The following VPS45 variants were observed in gnomAD, a reference collection of about 807,000 sequenced individuals.
The protein encoded by VPS45 is vacuolar protein sorting-associated protein 45.
In VPS45, 35 loss-of-function variants were observed where a neutral mutation model predicts 75.9. That is an observed-to-expected ratio of 0.46 (90% CI 0.35 to 0.61). The LOEUF is 0.61. Among genes scored for constraint, VPS45 ranks in the 20% least tolerant of loss-of-function variants. The pLI is 0.00. For missense variants in VPS45, 559 were observed against 685.9 expected, an observed-to-expected ratio of 0.81 and a Z score of 2.07; for synonymous variants, 220 against 238.2, an observed-to-expected ratio of 0.92 and a Z score of 0.70.
intron 14 of VPS45, among the ~76,000 whole-genome samples, chr1:150,131,728 C>T (rs1311137055): frequency 6.6e-6 from 1 of 150,554 alleles, no homozygotes; most frequent in Non-Finnish European, 1.5e-5. Flanking sequence ...CACCTGTAGT[C>T]CCAGCTACTT....
chr1:150,077,644 A>C, intron 6 of VPS45, 25 bp from the exon 7 acceptor site: 248 of 1,523,696 alleles, frequency 1.6e-4, no homozygotes, highest in Non-Finnish European at 2.1e-4. Context: ...TGGTTGCACA[A>C]ACCATCTTTC....
chr1:150,132,220 C>T (rs587730615), intron 14 of VPS45, among the ~76,000 whole-genome samples: 1 of 152,270 alleles, frequency 6.6e-6, no homozygotes, highest in African/African-American at 2.4e-5. Context: ...TATTCTCTCT[C>T]ACAAGTTTGT....
intron 4 of VPS45, 197 bp from the exon 5 acceptor site, chr1:150,076,719 T>A: frequency 1.6e-6 from 1 of 614,286 alleles, no homozygotes; most frequent in Non-Finnish European, 2.8e-6. Flanking sequence ...GATTTATTAT[T>A]ATTGCTACTG....
intron 14 of VPS45, among the ~76,000 whole-genome samples, chr1:150,143,880 G>A (rs782329567): frequency 1.7e-4 from 26 of 152,156 alleles, no homozygotes; most frequent in Non-Finnish European, 2.5e-4. Context: ...TTGTTTCTTC[G>A]TTTTTTAAAA....
chr1:150,077,681 A>G lies in VPS45; in HGVS notation c.589A>G (p.Lys197Glu), dbSNP rs782803236. ...CTCTCACCCACAGCAAGTGATAACTAAAGAATATGAACTGTTTGAATTCCG... is the reference window on the plus strand; with the variant it reads ...CTCTCACCCACAGCAAGTGATAACTGAAGAATATGAACTGTTTGAATTCCG... ...LAECVKQVITKEYELFEFRRT... is the reference protein window; with the variant it reads ...LAECVKQVITEEYELFEFRRT... Residue 197 changes from lysine (K) to glutamate (E), a missense_variant, in exon 7 of 15, where the codon AAA becomes GAA. Transcript: ENST00000644510. The G allele has an allele frequency of 1.4e-5, 22 of 1,613,346 alleles. No homozygotes were observed. The highest frequency in any genetic ancestry group is 1.9e-5 in the Non-Finnish European group (22 of 1,179,438).
chr1:150,077,869 A>T, intron 7 of VPS45, 90 bp downstream of exon 7: 2 of 1,027,896 alleles, frequency 1.9e-6, no homozygotes, highest in Non-Finnish European at 3.0e-6. Flanking sequence ...TGGTCCATTT[A>T]TTTGCCTCCT....
rs183547663 is a variant in VPS45 at position 150,130,116 on chromosome 1, C to T, written c.1626-14593C>T. Among the ~76,000 whole-genome samples the T allele has an allele frequency of 9.6e-4, 146 of 151,712 alleles. 5 individuals carry two copies. The East Asian group carries it at 0.025, about 26-fold the overall frequency. On this transcript the variant is annotated intron_variant, in intron 14 of 14. Coordinates refer to ENST00000644510, the MANE Select transcript of VPS45 (RefSeq NM_007259.5). ...CTGGCCTCAAGAGATCCTGCAGCCT[C>T]GGTCTCCCAAAGTGCTGGGATTATA... is the stretch of plus-strand genomic sequence containing the variant.
At chr1:150,114,109 C>T (rs782289605) in intron 14 of VPS45, among the ~76,000 whole-genome samples, 4 of 152,088 alleles carry the variant, frequency 2.6e-5, no homozygotes, top group Non-Finnish European at 5.9e-5. Flanking sequence ...TATTTACTCA[C>T]ATATTTGCCC....
intron 14 of VPS45, among the ~76,000 whole-genome samples, chr1:150,127,422 T>C (rs1553811039): frequency 6.6e-6 from 1 of 152,030 alleles, no homozygotes; most frequent in East Asian, 1.9e-4. Context: ...CAAGCAGTCC[T>C]ACCACTTCAG....
chr1:150,143,836 C>T (rs782184371), intron 14 of VPS45, among the ~76,000 whole-genome samples: 6 of 152,138 alleles, frequency 3.9e-5, no homozygotes, highest in Non-Finnish European at 8.8e-5. Context: ...GCTGTTGTGA[C>T]CTTGGCAAGT....
chr1:150,069,602 G>A (rs1272954699), intron 2 of VPS45, among the ~76,000 whole-genome samples: 1 of 131,316 alleles, frequency 7.6e-6, no homozygotes, highest in Admixed American at 8.2e-5. Context: ...GACTACAGGT[G>A]CCCGCCACCA....
chr1:150,087,298 A>G (rs1185492174), intron 10 of VPS45, among the ~76,000 whole-genome samples: 1 of 152,190 alleles, frequency 6.6e-6, no homozygotes, highest in African/African-American at 2.4e-5. Flanking sequence ...GTTAGAGTTC[A>G]GTGCAAGGTT....
At chr1:150,130,874 T>C (rs2101647521) in intron 14 of VPS45, among the ~76,000 whole-genome samples, 1 of 152,314 alleles carries the variant, frequency 6.6e-6, no homozygotes, top group South Asian at 2.1e-4. Flanking sequence ...ACATATATTA[T>C]CTCATTTAAT....
intron 13 of VPS45, among the ~76,000 whole-genome samples, chr1:150,101,353 A>T (rs1280246181): frequency 6.6e-6 from 1 of 152,210 alleles, no homozygotes; most frequent in Non-Finnish European, 1.5e-5. Context: ...TATGAAAAAA[A>T]ACTCAGTATC....
At chr1:150,103,663 C>T (rs1174117902) in intron 13 of VPS45, among the ~76,000 whole-genome samples, 3 of 152,188 alleles carry the variant, frequency 2.0e-5, no homozygotes, top group African/African-American at 7.2e-5. Flanking sequence ...ATGCTAAAAG[C>T]CCACTTGAAT....
rs1367032583 is a variant in VPS45, at chr1:150,067,823, G to A, written c.-35G>A. The A allele has an allele frequency of 1.2e-6, 2 of 1,604,354 alleles. No individual in the cohort carries two copies. Among genetic ancestry groups the A allele is most frequent in the East Asian group, 2.2e-5 (1 of 44,792 alleles). ...GGTTAATTTAGCCAGAAAAGGGGGCGGGAAGGGCTGTAGGGTACTTGTCAA... is the reference window on the plus strand; with the variant it reads ...GGTTAATTTAGCCAGAAAAGGGGGCAGGAAGGGCTGTAGGGTACTTGTCAA... On this transcript the variant is annotated 5_prime_UTR_variant, in exon 1 of 15. Coordinates refer to ENST00000644510, the MANE Select transcript of VPS45 (RefSeq NM_007259.5).
At chr1:150,144,525 G>C (rs1479339620) in intron 14 of VPS45, among the ~76,000 whole-genome samples, 184 bp from the exon 15 acceptor site, 2 of 151,444 alleles carry the variant, frequency 1.3e-5, no homozygotes, top group African/African-American at 4.9e-5. Flanking sequence ...CAGAAGGACT[G>C]TCCTTGCAGT....
At chr1:150,097,197 T>G (rs1656709541) in intron 13 of VPS45, among the ~76,000 whole-genome samples, 1 of 151,176 alleles carries the variant, frequency 6.6e-6, no homozygotes, top group Admixed American at 6.6e-5. Context: ...AAGATTCTCC[T>G]GCCTCAGCCT....
chr1:150,081,573 G>A, intron 8 of VPS45, 97 bp downstream of exon 8: 1 of 1,390,058 alleles, frequency 7.2e-7, no homozygotes, highest in East Asian at 2.4e-5. Flanking sequence ...GGGATTTCAT[G>A]TGAAAGGATG....
Sources: gnomAD v4.1 joint callset for allele counts (sites outside exome capture counted in the v4.1 genomes callset) on GRCh38, gnomAD v4.1.1 for gene constraint, MANE v1.5 for transcripts, NCBI Gene and HGNC (gene_info 2026-07-23, HGNC 2026-07-21) for gene names.